The following PACRG variants were observed in gnomAD, a reference collection of about 807,000 sequenced individuals.
PACRG encodes the protein parkin coregulated.
In PACRG, 29 loss-of-function variants were observed where a neutral mutation model predicts 29.7. That is an observed-to-expected ratio of 0.98 (90% confidence interval 0.73 to 1.33). The LOEUF is 1.33. PACRG is among the 40% of genes most tolerant of loss of function. The probability of loss-of-function intolerance (pLI) is 0.00; values close to 1 mark genes in which losing one functional copy is unlikely to be tolerated. For missense variants in PACRG, 279 were observed against 316.2 expected, an observed-to-expected ratio of 0.88 and a Z score of 0.89; for synonymous variants, 116 against 118.7, an observed-to-expected ratio of 0.98 and a Z score of 0.15.
At chr6:162,996,541 C>A (rs779808516) in intron 2 of PACRG, among the ~76,000 whole-genome samples, 34 of 152,034 alleles carry the variant, frequency 2.2e-4, no homozygotes, top group Non-Finnish European at 4.7e-4. Context: ...TTCCACCAAA[C>A]TAGGGGAATG....
chr6:162,895,691 A>G (rs76506417), intron 2 of PACRG, among the ~76,000 whole-genome samples: 1 of 152,238 alleles, frequency 6.6e-6, no homozygotes, highest in Non-Finnish European at 1.5e-5. Context: ...TACTTTTTAC[A>G]TATGAATAGC....
At chr6:163,251,520 A>G (rs1562339643) in intron 4 of PACRG, among the ~76,000 whole-genome samples, 1 of 152,142 alleles carries the variant, frequency 6.6e-6, no homozygotes, top group East Asian at 1.9e-4. Flanking sequence ...TTTGCTTTCT[A>G]TGGGGTCCTG....
chr6:162,950,656 T>C (rs1799580344), intron 2 of PACRG, among the ~76,000 whole-genome samples: 1 of 152,218 alleles, frequency 6.6e-6, no homozygotes, highest in African/African-American at 2.4e-5. Flanking sequence ...ATTTAAAGCA[T>C]ATTAATCCTT....
intron 4 of PACRG, among the ~76,000 whole-genome samples, chr6:163,289,180 G>A (rs553346780): frequency 2.6e-5 from 4 of 152,260 alleles, no homozygotes; most frequent in South Asian, 4.1e-4. Flanking sequence ...GCCGTGGACC[G>A]ACTGAACCCT....
intron 4 of PACRG, among the ~76,000 whole-genome samples, chr6:163,177,130 G>A (rs576677773): frequency 6.6e-6 from 1 of 152,274 alleles, no homozygotes; most frequent in East Asian, 1.9e-4. Context: ...TTAAAACAGT[G>A]CACAGAAATA....
chr6:163,309,680 A>G (rs1278970618), intron 4 of PACRG, among the ~76,000 whole-genome samples: 1 of 152,100 alleles, frequency 6.6e-6, no homozygotes. Context: ...TCCTGGGAGA[A>G]TGTTTGGTTC....
At chr6:163,000,983 G>A (rs1402091985) in intron 2 of PACRG, among the ~76,000 whole-genome samples, 2 of 152,188 alleles carry the variant, frequency 1.3e-5, no homozygotes, top group East Asian at 1.9e-4. Context: ...GAAGCTGATG[G>A]CCATGATTTT....
At chr6:162,916,668 A>G (rs1227996115) in intron 2 of PACRG, among the ~76,000 whole-genome samples, 1 of 152,166 alleles carries the variant, frequency 6.6e-6, no homozygotes, top group Non-Finnish European at 1.5e-5. Context: ...GCAACATACA[A>G]GTACACAAAT....
In PACRG at chr6:162,980,192, A is replaced by G. The variant is rs57209215; in HGVS notation, c.292-81958A>G. Among the ~76,000 whole-genome samples, 1,055 of 149,158 alleles carry G rather than the reference A, an allele frequency of 7.1e-3. 15 individuals are homozygous for G. Among genetic ancestry groups the G allele is most frequent in the African/African-American group, 0.025 (969 of 39,040 alleles). On this transcript the variant is annotated intron_variant, in intron 2 of 4. Transcript: ENST00000366888. ...CACATACACACACACACACACACGC[A>G]CACACACACATTTTCAGTGTAATAA...
At chr6:163,144,971 C>T (rs1585263693) in intron 4 of PACRG, among the ~76,000 whole-genome samples, 1 of 152,110 alleles carries the variant, frequency 6.6e-6, no homozygotes, top group Non-Finnish European at 1.5e-5. Flanking sequence ...TTTCCCCATC[C>T]CCTCTGAGCC....
chr6:162,948,706 C>T (rs1334643094), intron 2 of PACRG, among the ~76,000 whole-genome samples: 2 of 151,952 alleles, frequency 1.3e-5, no homozygotes, highest in Non-Finnish European at 2.9e-5. Flanking sequence ...CCCTAATAAT[C>T]CAATTTTAAA....
At chr6:163,223,266 T>C (rs57961235) in intron 4 of PACRG, among the ~76,000 whole-genome samples, 35,293 of 151,908 alleles carry the variant, frequency 0.23, 5,626 homozygotes, top group African/African-American at 0.45. Flanking sequence ...TGGTGGCAGG[T>C]GCCTGTAATC....
At chr6:162,880,251 T>C (rs1793720805) in intron 2 of PACRG, among the ~76,000 whole-genome samples, 1 of 152,200 alleles carries the variant, frequency 6.6e-6, no homozygotes, top group South Asian at 2.1e-4. Flanking sequence ...AAACATTTAT[T>C]TAACATCTGT....
intron 2 of PACRG, among the ~76,000 whole-genome samples, chr6:163,047,049 G>T (rs2128243011): frequency 6.6e-6 from 1 of 152,300 alleles, no homozygotes. Flanking sequence ...ATTTGGTCGA[G>T]TGTATTAAAA....
intron 3 of PACRG, among the ~76,000 whole-genome samples, chr6:163,079,596 T>C (rs1201806270): frequency 1.3e-5 from 2 of 152,200 alleles, no homozygotes; most frequent in African/African-American, 4.8e-5. Flanking sequence ...GAGCTCACTC[T>C]GACTCCTGGT....
chr6:163,103,045 G>A (rs956911869), intron 4 of PACRG, among the ~76,000 whole-genome samples: 2 of 152,052 alleles, frequency 1.3e-5, no homozygotes, highest in Non-Finnish European at 2.9e-5. Context: ...AGAGTGTATT[G>A]GTTTTCTATT....
chr6:163,082,549 G>A (rs1201352307), intron 3 of PACRG, among the ~76,000 whole-genome samples: 2 of 152,102 alleles, frequency 1.3e-5, no homozygotes, highest in African/African-American at 4.8e-5. Context: ...TTTTTAGAAA[G>A]CAGTTTTTAA....
At chr6:163,041,467 G>C (rs1047926123) in intron 2 of PACRG, among the ~76,000 whole-genome samples, 2 of 152,162 alleles carry the variant, frequency 1.3e-5, no homozygotes, top group Non-Finnish European at 2.9e-5. Flanking sequence ...GAGATTTGAT[G>C]GTTTACAAGT....
chr6:163,112,719 C>A (rs1815779458), intron 4 of PACRG, among the ~76,000 whole-genome samples: 2 of 152,136 alleles, frequency 1.3e-5, no homozygotes, highest in Non-Finnish European at 2.9e-5. Flanking sequence ...TCAGGCTGGT[C>A]AACAGCACAG....
Sources: allele counts gnomAD v4.1 joint callset (sites outside exome capture counted in the v4.1 genomes callset), GRCh38; gene constraint gnomAD v4.1.1; transcripts MANE v1.5; gene names NCBI Gene and HGNC (gene_info 2026-07-23, HGNC 2026-07-21).